LINC00305: variants seen among roughly 807,000 people sequenced by gnomAD.
The protein encoded by LINC00305 is long intergenic non-protein coding RNA 305.
intron 1 of LINC00305, among the ~76,000 whole-genome samples, chr18:64,136,304 C>A (rs917382687): frequency 6.6e-6 from 1 of 152,178 alleles, no homozygotes; most frequent in Non-Finnish European, 1.5e-5. Flanking sequence ...TGTTCTCATG[C>A]TGCCATGAAG....
intron 3 of LINC00305, among the ~76,000 whole-genome samples, chr18:64,087,284 T>A (rs1177326223): frequency 6.6e-6 from 1 of 152,188 alleles, no homozygotes; most frequent in African/African-American, 2.4e-5. Flanking sequence ...GATAGATTAT[T>A]ATGCATCATA....
intron 1 of LINC00305, among the ~76,000 whole-genome samples, chr18:64,115,098 G>A (rs1029080139): frequency 3.9e-5 from 6 of 152,174 alleles, no homozygotes; most frequent in African/African-American, 4.8e-5. Flanking sequence ...AGGGAAAGCC[G>A]TGTGCTGAAA....
At chr18:64,118,284 C>G in intron 1 of LINC00305, among the ~76,000 whole-genome samples, 1 of 152,184 alleles carries the variant, frequency 6.6e-6, no homozygotes, top group Admixed American at 6.5e-5. Context: ...TCTCAAAATC[C>G]TCAATAATAA....
At chr18:64,087,267 G>A (rs989898422) in intron 3 of LINC00305, among the ~76,000 whole-genome samples, 1 of 152,120 alleles carries the variant, frequency 6.6e-6, no homozygotes, top group African/African-American at 2.4e-5. Flanking sequence ...GCTAAAAAAT[G>A]GGGTTTGATA....
At chr18:64,120,102 T>C (rs2051355033) in intron 1 of LINC00305, among the ~76,000 whole-genome samples, 1 of 152,100 alleles carries the variant, frequency 6.6e-6, no homozygotes. Context: ...AAAAATAGAT[T>C]TATGGCCACC....
intron 1 of LINC00305, among the ~76,000 whole-genome samples, chr18:64,105,669 C>T (rs2051287408): frequency 6.6e-6 from 1 of 151,988 alleles, no homozygotes; most frequent in African/African-American, 2.4e-5. Context: ...GATAGGGTGG[C>T]AATGGTGCAC....
intron 1 of LINC00305, among the ~76,000 whole-genome samples, chr18:64,143,709 C>A (rs144043402): frequency 0.19 from 25,279 of 135,036 alleles, 3,115 homozygotes; most frequent in Non-Finnish European, 0.22. Flanking sequence ...ACATGTATGT[C>A]CACATATTAT....
intron 1 of LINC00305, among the ~76,000 whole-genome samples, chr18:64,106,531 A>G (rs1438995828): frequency 6.6e-6 from 1 of 151,910 alleles, no homozygotes; most frequent in Non-Finnish European, 1.5e-5. Flanking sequence ...CCCTTCCTCC[A>G]TTGTCATCTG....
At chr18:64,110,640 C>A (rs188831779) in intron 1 of LINC00305, among the ~76,000 whole-genome samples, 25 of 152,160 alleles carry the variant, frequency 1.6e-4, no homozygotes, top group Non-Finnish European at 5.9e-5. Flanking sequence ...AGTGACTTAG[C>A]CTTGTCTGGA....
At chr18:64,123,928 C>T (rs2051373353) in intron 1 of LINC00305, among the ~76,000 whole-genome samples, 1 of 152,104 alleles carries the variant, frequency 6.6e-6, no homozygotes, top group African/African-American at 2.4e-5. Context: ...CCATAGGAAC[C>T]CGCCCATCTC....
At chr18:64,137,505 T>C (rs1030475510) in intron 1 of LINC00305, among the ~76,000 whole-genome samples, 1 of 152,214 alleles carries the variant, frequency 6.6e-6, no homozygotes, top group Non-Finnish European at 1.5e-5. Flanking sequence ...TCAAAATGTT[T>C]TAAATTATGA....
At chr18:64,148,199 A>G (rs970684974) in intron 1 of LINC00305, among the ~76,000 whole-genome samples, 1 of 152,062 alleles carries the variant, frequency 6.6e-6, no homozygotes, top group South Asian at 2.1e-4. Context: ...GATTCAGTTC[A>G]GAGGGGAGAG....
At position 64,130,251 on chromosome 18, in the gene LINC00305, C is replaced by T. The variant is rs117031618; in HGVS notation, n.314+18524G>A. On this transcript the variant is annotated intron_variant and non_coding_transcript_variant, in intron 1 of 3. Transcript: ENST00000666468. ...ATACTATGCTTTTATTTTTGTGCTT[C>T]TCATTCTTAGTTCAAGGCTTTATAC... Among the ~76,000 whole-genome samples the T allele has an allele frequency of 1.2e-4, 19 of 152,158 alleles. No individual in the cohort carries two copies. The East Asian group carries it at 2.5e-3, about 20-fold the overall frequency.
chr18:64,090,132 TAAACC>T (rs113616134), intron 3 of LINC00305, among the ~76,000 whole-genome samples: 2,323 of 152,298 alleles, frequency 0.015, 61 homozygotes, highest in African/African-American at 0.054. Context: ...GAGCTATCTT[TAAACC>T]AAACCTAGGT....
At chr18:64,085,032 C>T (rs758355878) in intron 3 of LINC00305, among the ~76,000 whole-genome samples, 1 of 152,172 alleles carries the variant, frequency 6.6e-6, no homozygotes, top group Non-Finnish European at 1.5e-5. Context: ...ATATAAGTGA[C>T]TAGTGCTCTA....
exon 1 of LINC00305, chr18:64,148,990 T>C (rs2051512085): frequency 6.6e-6 from 1 of 152,186 alleles, no homozygotes; most frequent in African/African-American, 2.4e-5. Context: ...GGAGACAAGT[T>C]CACAGGAAAG....
intron 3 of LINC00305, among the ~76,000 whole-genome samples, chr18:64,082,194 A>G (rs1255199268): frequency 6.6e-6 from 1 of 152,146 alleles, no homozygotes; most frequent in Non-Finnish European, 1.5e-5. Flanking sequence ...AAAACCTAAG[A>G]TTGGTGCTCG....
intron 1 of LINC00305, among the ~76,000 whole-genome samples, chr18:64,124,680 G>A (rs749440805): frequency 6.6e-6 from 1 of 151,966 alleles, no homozygotes; most frequent in African/African-American, 2.4e-5. Context: ...TAATAATAAC[G>A]ATGATGATGA....
chr18:64,101,386 G>A (rs1219355223), intron 1 of LINC00305, among the ~76,000 whole-genome samples: 2 of 152,118 alleles, frequency 1.3e-5, no homozygotes, highest in South Asian at 2.1e-4. Context: ...GTTGAGAGGC[G>A]CATGCTCTGA....
Sources: gnomAD v4.1 joint callset for allele counts (sites outside exome capture counted in the v4.1 genomes callset) on GRCh38, gnomAD v4.1.1 for gene constraint, MANE v1.5 for transcripts, NCBI Gene and HGNC (gene_info 2026-07-23, HGNC 2026-07-21) for gene names.